Variants in GRIK3 observed in about 807,000 individuals in gnomAD.
GRIK3 encodes glutamate receptor ionotropic, kainate 3.
Under a neutral mutation model 102.5 loss-of-function variants are expected in GRIK3, and 29 were observed. The ratio of observed to expected loss-of-function variants is 0.28; its 90% CI spans 0.21 to 0.39. The LOEUF is 0.39. Among genes scored for constraint, GRIK3 ranks in the 10% least tolerant of loss-of-function variants. The pLI, the probability that GRIK3 is intolerant of heterozygous loss-of-function variation, is 1.00. For synonymous variants in GRIK3, 511 were observed against 504.9 expected (o/e 1.01, Z -0.16); for missense variants, 908 against 1,252.4 (o/e 0.73, Z 4.15).
At chr1:36,982,963 C>T (rs1642265834) in intron 1 of GRIK3, among the ~76,000 whole-genome samples, 1 of 152,204 alleles carries the variant, frequency 6.6e-6, no homozygotes, top group Non-Finnish European at 1.5e-5. Flanking sequence ...TAAAACCCGG[C>T]TGTCTCAAGA....
At chr1:36,975,288 G>GTT (rs61125066) in intron 1 of GRIK3, among the ~76,000 whole-genome samples, 1,144 of 113,302 alleles carry the variant, frequency 0.01, 68 homozygotes, top group African/African-American at 0.035. Flanking sequence ...TCTAAAGTTG[G>GTT]TTTTTTTTTT....
chr1:36,817,154 A>T lies in GRIK3; in HGVS notation c.1997T>A (p.Met666Lys). 1 of 1,614,120 alleles carries T rather than the reference A, an allele frequency of 6.2e-7. No individual in the cohort carries two copies. Reference protein sequence around the residue: ...NLAAFLTVERMESPIDSADDL... With the variant: ...NLAAFLTVERKESPIDSADDL... ...ATCAGCAGAGTCAATGGGTGATTCC[A>T]TGCGCTCCACGGTCAGAAAGGCAGC... The change falls in exon 13 of 16, where the codon ATG becomes AAG. Residue 666 changes from methionine to lysine, a missense_variant. By Grantham distance (95) the Met-to-Lys change is moderately conservative (BLOSUM62 -1). Around this residue, in one of 3 missense-constraint regions of GRIK3, gnomAD observed 297 missense variants for 362.7 expected, o/e 0.82. Transcript: ENST00000373091.
At chr1:36,938,183 C>A (rs1168461888) in intron 1 of GRIK3, among the ~76,000 whole-genome samples, 1 of 152,190 alleles carries the variant, frequency 6.6e-6, no homozygotes, top group African/African-American at 2.4e-5. Context: ...AGGGCAGGGG[C>A]AGGAAGTGGT....
At chr1:36,933,891 G>A (rs1017922459) in intron 1 of GRIK3, among the ~76,000 whole-genome samples, 1 of 152,200 alleles carries the variant, frequency 6.6e-6, no homozygotes, top group Non-Finnish European at 1.5e-5. Flanking sequence ...CCCAGAGGAA[G>A]GAGAACTTCC....
intron 1 of GRIK3, among the ~76,000 whole-genome samples, chr1:36,979,653 T>A (rs2124365169): frequency 6.6e-6 from 1 of 152,198 alleles, no homozygotes; most frequent in Non-Finnish European, 1.5e-5. Context: ...TGATCCAGAG[T>A]TCTTCTCTTG....
chr1:36,907,799 T>A (rs1427442156), intron 1 of GRIK3, among the ~76,000 whole-genome samples: 1 of 151,958 alleles, frequency 6.6e-6, no homozygotes, highest in Non-Finnish European at 1.5e-5. Context: ...CAGCAAATAT[T>A]GAGGGGCACC....
At chr1:36,899,737 A>G (rs1016223290) in intron 1 of GRIK3, among the ~76,000 whole-genome samples, 5 of 152,222 alleles carry the variant, frequency 3.3e-5, no homozygotes, top group African/African-American at 1.2e-4. Context: ...AAGACATGCC[A>G]TCCTAATATC....
chr1:36,878,261 G>A (rs1453314753), intron 3 of GRIK3, among the ~76,000 whole-genome samples: 1 of 152,248 alleles, frequency 6.6e-6, no homozygotes, highest in African/African-American at 2.4e-5. Context: ...CACTGGAGTG[G>A]CTGGGAGGTG....
At chr1:36,808,700 G>A (rs1001094650) in intron 13 of GRIK3, among the ~76,000 whole-genome samples, 1 of 152,202 alleles carries the variant, frequency 6.6e-6, no homozygotes, top group African/African-American at 2.4e-5. Flanking sequence ...CTGAGCCAGA[G>A]GACTCAGCGA....
chr1:36,942,533 C>G (rs1641735422), intron 1 of GRIK3, among the ~76,000 whole-genome samples: 1 of 152,176 alleles, frequency 6.6e-6, no homozygotes, highest in Non-Finnish European at 1.5e-5. Flanking sequence ...GTTCCCTTGC[C>G]TGCAGCTGGA....
chr1:36,951,657 AC>A (rs1156615474), intron 1 of GRIK3, among the ~76,000 whole-genome samples: 1 of 151,942 alleles, frequency 6.6e-6, no homozygotes, highest in African/African-American at 2.4e-5. Flanking sequence ...AACTTTGACT[AC>A]CCTTTGTGCT....
intron 1 of GRIK3, among the ~76,000 whole-genome samples, chr1:36,939,434 A>G (rs1641696665): frequency 6.6e-6 from 1 of 152,248 alleles, no homozygotes; most frequent in African/African-American, 2.4e-5. Flanking sequence ...GGCACCAGCC[A>G]TCCCCGCTTA....
chr1:36,840,850 G>C (rs1049795400), intron 10 of GRIK3, among the ~76,000 whole-genome samples: 9 of 152,246 alleles, frequency 5.9e-5, no homozygotes, highest in Non-Finnish European at 1.2e-4. Flanking sequence ...GGGCGTCTGA[G>C]AACTATGATG....
intron 13 of GRIK3, among the ~76,000 whole-genome samples, chr1:36,811,638 T>C (rs1264693781): frequency 6.6e-6 from 1 of 152,160 alleles, no homozygotes; most frequent in Non-Finnish European, 1.5e-5. Context: ...TAGCTGGTCA[T>C]CTCCAGTGTG....
At chr1:36,903,777 A>C (rs1641256061) in intron 1 of GRIK3, among the ~76,000 whole-genome samples, 1 of 152,080 alleles carries the variant, frequency 6.6e-6, no homozygotes. Context: ...AACTATGGAG[A>C]TAGTAAAAAA....
At chr1:36,942,050 A>G (rs927168339) in intron 1 of GRIK3, among the ~76,000 whole-genome samples, 11 of 152,194 alleles carry the variant, frequency 7.2e-5, no homozygotes, top group Admixed American at 3.3e-4. Context: ...GCACTCTTTG[A>G]GGATGCAGGA....
intron 1 of GRIK3, among the ~76,000 whole-genome samples, chr1:36,999,237 G>A (rs1438364350): frequency 2.0e-5 from 3 of 152,254 alleles, no homozygotes; most frequent in East Asian, 3.9e-4. Context: ...CAGAGTTGGG[G>A]GTCTGAGGGG....
Position 36,959,352 on chromosome 1 carries a change from G to A in GRIK3, c.116-68256C>T, listed in dbSNP as rs548718096. 1.3e-3 allele frequency among the ~76,000 whole-genome samples: 151 copies of A among 116,596 alleles called. 17 individuals carry two copies. Among genetic ancestry groups the A allele is most frequent in the Non-Finnish European group, 1.7e-3 (94 of 54,446 alleles). The allele number at this position is 116,596 out of a possible 152,430, so 76.5% of individuals were successfully genotyped here. On this transcript the variant is annotated intron_variant, in intron 1 of 15. Transcript: ENST00000373091. ...TGTGCCCGGTGAGCCTGTGTGTCCC[G>A]TGAGCCTGTGTGCCCTGTGAGTCTG...
chr1:36,815,969 T>G (rs925325356), intron 13 of GRIK3, among the ~76,000 whole-genome samples: 1 of 152,000 alleles, frequency 6.6e-6, no homozygotes, highest in Non-Finnish European at 1.5e-5. Flanking sequence ...CAGGCTGGTC[T>G]CGAACTCCTG....
Sources: allele counts gnomAD v4.1 joint callset (sites outside exome capture counted in the v4.1 genomes callset), GRCh38; gene constraint gnomAD v4.1.1; regional missense constraint gnomAD v4.1.1; transcripts MANE v1.5; gene names NCBI Gene and HGNC (gene_info 2026-07-23, HGNC 2026-07-21).